The following COL6A5 variants were observed in gnomAD, a reference collection of about 807,000 sequenced individuals.
The protein encoded by COL6A5 is collagen alpha-5(VI) chain.
Under a neutral mutation model 65.6 loss-of-function variants are expected in COL6A5, and 48 were observed. The observed-to-expected ratio is 0.73, with a 90% CI of 0.58 to 0.93. The LOEUF is 0.93. COL6A5 is among the 40% of genes least tolerant of loss of function. The probability of loss-of-function intolerance (pLI) is 0.00; values close to 1 mark genes in which losing one functional copy is unlikely to be tolerated. For missense variants in COL6A5, 914 were observed against 928.3 expected, an observed-to-expected ratio of 0.98 and a Z score of 0.20; for synonymous variants, 291 against 322.8, an observed-to-expected ratio of 0.90 and a Z score of 1.05.
intron 7 of COL6A5, among the ~76,000 whole-genome samples, chr3:130,392,165 T>C (rs887538978): frequency 6.6e-6 from 1 of 152,188 alleles, no homozygotes; most frequent in Non-Finnish European, 1.5e-5. Context: ...ATGGTTTAAA[T>C]GGATAGACTT....
chr3:130,426,664 C>T (rs928727608), upstream of COL6A5, among the ~76,000 whole-genome samples: 2 of 152,018 alleles, frequency 1.3e-5, no homozygotes, highest in African/African-American at 4.8e-5. Flanking sequence ...GAGAAAAACC[C>T]AAAAGATGAG....
At chr3:130,443,855 T>A (rs982312065) in intron 4 of COL6A5, among the ~76,000 whole-genome samples, 11 of 152,172 alleles carry the variant, frequency 7.2e-5, no homozygotes, top group Non-Finnish European at 1.6e-4. Flanking sequence ...TCGATCCACC[T>A]CAACCTCACT....
At chr3:130,453,968 T>G (rs1709508034) in intron 4 of COL6A5, among the ~76,000 whole-genome samples, 1 of 152,174 alleles carries the variant, frequency 6.6e-6, no homozygotes, top group African/African-American at 2.4e-5. Context: ...TGATCTTATG[T>G]GAAGCAGTGT....
At chr3:130,454,389 G>C (rs1051750999) in intron 4 of COL6A5, among the ~76,000 whole-genome samples, 10 of 152,158 alleles carry the variant, frequency 6.6e-5, no homozygotes, top group African/African-American at 2.4e-4. Context: ...TTCACACAGT[G>C]TGCCATCACA....
At chr3:130,384,289 A>G (rs1182673592) in intron 4 of COL6A5, among the ~76,000 whole-genome samples, 1 of 152,072 alleles carries the variant, frequency 6.6e-6, no homozygotes, top group Non-Finnish European at 1.5e-5. Flanking sequence ...AGCAGGAGAC[A>G]AGATAAGGCC....
At chr3:130,352,591 A>G (rs1285186866) in intron 1 of COL6A5, among the ~76,000 whole-genome samples, 1 of 152,184 alleles carries the variant, frequency 6.6e-6, no homozygotes, top group Admixed American at 6.5e-5. Context: ...TTCATGATCA[A>G]GTTGAGGCTC....
chr3:130,368,737 A>C (rs1037071301), intron 1 of COL6A5, among the ~76,000 whole-genome samples: 1 of 152,120 alleles, frequency 6.6e-6, no homozygotes, highest in African/African-American at 2.4e-5. Context: ...CATGGAGGAA[A>C]CAAAAGTAAT....
intron 7 of COL6A5, among the ~76,000 whole-genome samples, chr3:130,475,216 A>G (rs887216911): frequency 1.4e-4 from 21 of 151,920 alleles, no homozygotes; most frequent in Non-Finnish European, 2.4e-4. Flanking sequence ...TTCATGCAGA[A>G]AAAATATTTT....
At chr3:130,365,554 G>A (rs943362186) in intron 1 of COL6A5, among the ~76,000 whole-genome samples, 2 of 152,202 alleles carry the variant, frequency 1.3e-5, no homozygotes, top group African/African-American at 2.4e-5. Context: ...TGGGATTACA[G>A]GCGTGAGCCA....
chr3:130,386,839 G>A (rs1002665656), intron 5 of COL6A5, among the ~76,000 whole-genome samples: 1 of 151,966 alleles, frequency 6.6e-6, no homozygotes. Context: ...TCATAAAATG[G>A]CTAACAGAGA....
At chr3:130,448,234 C>CG (rs1217112132) in intron 4 of COL6A5, among the ~76,000 whole-genome samples, 3 of 152,050 alleles carry the variant, frequency 2.0e-5, no homozygotes, top group Non-Finnish European at 4.4e-5. Flanking sequence ...TGTAATGAAG[C>CG]GAAAACCAGA....
At chr3:130,416,503 T>A (rs1937341494) in intron 23 of COL6A5, among the ~76,000 whole-genome samples, 1 of 152,108 alleles carries the variant, frequency 6.6e-6, no homozygotes, top group Non-Finnish European at 1.5e-5. Context: ...GTGCCTTTTC[T>A]TTTTCTCACT....
intron 26 of COL6A5, 57 bp downstream of exon 26, chr3:130,421,260 G>C (rs1160386143): frequency 1.3e-6 from 2 of 1,546,782 alleles, no homozygotes; most frequent in South Asian, 2.4e-5. Context: ...AATAATACAA[G>C]AAGAAATGTT....
At chr3:130,429,649 C>G, upstream of COL6A5, 1 of 1,378,164 alleles carries the variant, frequency 7.3e-7, no homozygotes, top group Non-Finnish European at 9.8e-7. Context: ...CAAGACCAAT[C>G]TGAAAGATGC....
intron 4 of COL6A5, among the ~76,000 whole-genome samples, chr3:130,445,397 G>A (rs369954223): frequency 6.6e-5 from 10 of 152,184 alleles, no homozygotes; most frequent in African/African-American, 1.4e-4. Context: ...CAATTAATGC[G>A]TTGGACAGTT....
exon 9 of COL6A5, chr3:130,397,900 G>A (rs1320439803): frequency 6.4e-7 from 1 of 1,550,788 alleles, no homozygotes; most frequent in Non-Finnish European, 8.7e-7. Context: ...CACATTTAAG[G>A]ATAAATCTGC....
chr3:130,422,586 A>G, intron 27 of COL6A5, 134 bp from the exon 28 acceptor site: 1 of 569,290 alleles, frequency 1.8e-6, no homozygotes, highest in Non-Finnish European at 3.1e-6. Context: ...AAAAGATGAC[A>G]TTTAATGTTG....
At chr3:130,376,506 G>C in exon 3 of COL6A5, 1 of 1,605,432 alleles carries the variant, frequency 6.2e-7, no homozygotes, top group Non-Finnish European at 8.5e-7. Context: ...GATAGGAAAG[G>C]CTCTTCAGGA....
At chr3:130,481,224 G>T (rs1425504679) in intron 7 of COL6A5, among the ~76,000 whole-genome samples, 2 of 147,656 alleles carry the variant, frequency 1.4e-5, no homozygotes, top group African/African-American at 5.0e-5. Flanking sequence ...AAGCCCCAGT[G>T]TGTGATGTTC....
Sources: allele counts gnomAD v4.1 joint callset (sites outside exome capture counted in the v4.1 genomes callset), GRCh38; gene constraint gnomAD v4.1.1; transcripts MANE v1.5; gene names NCBI Gene and HGNC (gene_info 2026-07-23, HGNC 2026-07-21).